TPO: variants seen among roughly 807,000 people sequenced by gnomAD.
The protein encoded by TPO is thyroid peroxidase.
In TPO, 78 loss-of-function variants were observed where a neutral mutation model predicts 96.9. The observed-to-expected ratio is 0.81, with a 90% CI of 0.67 to 0.97. The LOEUF (loss-of-function observed/expected upper bound fraction) is 0.97. TPO is among the 50% of genes least tolerant of loss of function. The pLI is 0.00. For missense variants in TPO, 1,252 were observed against 1,274.8 expected, an observed-to-expected ratio of 0.98 and a Z score of 0.27; for synonymous variants, 547 against 538.0, an observed-to-expected ratio of 1.02 and a Z score of -0.23.
At chr2:1,380,514 T>C (rs1661794946) in intron 1 of TPO, among the ~76,000 whole-genome samples, 1 of 152,040 alleles carries the variant, frequency 6.6e-6, no homozygotes. Context: ...ATTTGAAGCA[T>C]TTGTTACTAA....
At chr2:1,468,275 T>TA (rs1669090305) in intron 7 of TPO, among the ~76,000 whole-genome samples, 1 of 152,140 alleles carries the variant, frequency 6.6e-6, no homozygotes, top group African/African-American at 2.4e-5. Flanking sequence ...CTGGTTTTTT[T>TA]AATTGTATTT....
intron 7 of TPO, among the ~76,000 whole-genome samples, chr2:1,471,301 C>G (rs1669382568): frequency 6.6e-6 from 1 of 152,130 alleles, no homozygotes; most frequent in African/African-American, 2.4e-5. Flanking sequence ...CTTTCCTGTT[C>G]TTTATTTTCT....
intron 9 of TPO, among the ~76,000 whole-genome samples, 198 bp downstream of exon 9, chr2:1,485,052 C>T (rs537177465): frequency 6.6e-6 from 1 of 151,498 alleles, no homozygotes; most frequent in Non-Finnish European, 1.5e-5. Flanking sequence ...TGCTATCCCT[C>T]CCCCTGACCC....
At chr2:1,504,431 C>T (rs1350389391) in intron 14 of TPO, among the ~76,000 whole-genome samples, 1 of 152,210 alleles carries the variant, frequency 6.6e-6, no homozygotes, top group African/African-American at 2.4e-5. Context: ...ATCACCTCTC[C>T]TCCTCCTGGG....
chr2:1,449,472 G>T (rs1488283937), intron 5 of TPO, among the ~76,000 whole-genome samples: 1 of 152,092 alleles, frequency 6.6e-6, no homozygotes. Flanking sequence ...CTGGAATGAA[G>T]CTCCTTGACA....
chr2:1,477,938 A>T, intron 8 of TPO: 1 of 984,630 alleles, frequency 1.0e-6, no homozygotes, highest in Non-Finnish European at 1.2e-6. Flanking sequence ...CAGCCCCACA[A>T]CAGTGGCAGC....
At chr2:1,539,225 CACCTGACCTTCACTGAATT>C (rs1680439331) in intron 15 of TPO, among the ~76,000 whole-genome samples, 1 of 152,178 alleles carries the variant, frequency 6.6e-6, no homozygotes, top group African/African-American at 2.4e-5. Context: ...ATCGCACGAA[CACCTGACCTTCACTGAATT>C]TTAATAGAAG....
intron 15 of TPO, 51 bp downstream of exon 15, chr2:1,517,033 C>T (rs1041390040): frequency 1.9e-6 from 3 of 1,579,594 alleles, no homozygotes; most frequent in African/African-American, 2.7e-5. Flanking sequence ...AATCTCCTTT[C>T]CTCTGGACAT....
rs370843506 is a variant in TPO at position 1,453,827 on chromosome 2, G to A, written c.612+4G>A. 6.2e-7 allele frequency: 1 copy of A among 1,613,574 alleles called. No homozygotes were observed. Among genetic ancestry groups the A allele is most frequent in the Admixed American group, 1.7e-5 (1 of 60,006 alleles). ...CAACGGGTTCCCACTGCCCCCGGTGGGTACTCAGAACGCTACTATCCTGGA... is the reference window on the plus strand; with the variant it reads ...CAACGGGTTCCCACTGCCCCCGGTGAGTACTCAGAACGCTACTATCCTGGA... On this transcript the variant is annotated splice_donor_region_variant and intron_variant, in intron 6 of 16. Coordinates refer to ENST00000329066, the MANE Select transcript of TPO (RefSeq NM_001206744.2).
chr2:1,414,382 A>G lies in TPO; in HGVS notation c.-1-26A>G, dbSNP rs747300142. 2.5e-6 allele frequency: 4 copies of G among 1,603,938 alleles called. No homozygotes were observed. In the South Asian group the frequency reaches 4.5e-5, roughly 18 times the overall value. On this transcript the variant is annotated intron_variant, in intron 1 of 16. Coordinates refer to ENST00000329066, the MANE Select transcript of TPO (RefSeq NM_001206744.2). The stretch of plus-strand genomic sequence containing the variant: ...TGGCCTTGTCAGTGCTTGATTACAT[A>G]CTCTGTCTCCTTCCGTTAATTTTAG...
intron 3 of TPO, among the ~76,000 whole-genome samples, chr2:1,428,693 A>G (rs1304939506): frequency 6.6e-6 from 1 of 152,152 alleles, no homozygotes; most frequent in East Asian, 1.9e-4. Flanking sequence ...CAAAAGGAGC[A>G]CCCTTGGCCT....
intron 11 of TPO, 103 bp from the exon 12 acceptor site, chr2:1,495,886 C>A: frequency 7.5e-7 from 1 of 1,338,998 alleles, no homozygotes. Context: ...GCAGACGCCG[C>A]AGGAGAGGCT....
At chr2:1,468,780 G>A (rs978435703) in intron 7 of TPO, among the ~76,000 whole-genome samples, 5 of 152,126 alleles carry the variant, frequency 3.3e-5, no homozygotes, top group Admixed American at 1.3e-4. Flanking sequence ...GGTTTTCCTC[G>A]ATTATTCCCC....
At chr2:1,453,973 CTG>C in intron 6 of TPO, 150 bp downstream of exon 6, 1 of 1,283,368 alleles carries the variant, frequency 7.8e-7, no homozygotes, top group Non-Finnish European at 1.1e-6. Context: ...GTAGCAATCA[CTG>C]TTTCTGCCCT....
intron 5 of TPO, 135 bp downstream of exon 5, chr2:1,436,519 T>A: frequency 7.3e-7 from 1 of 1,371,050 alleles, no homozygotes; most frequent in East Asian, 2.5e-5. Context: ...GTCCTTGGCC[T>A]CCCCGACATG....
chr2:1,496,035 G>A lies in TPO; in HGVS notation c.2053G>A (p.Glu685Lys), dbSNP rs1358478682. The change falls in exon 12 of 17, where the codon GAG becomes AAG. Residue 685 changes from glutamate to lysine, a missense_variant. By Grantham distance (56) the Glu-to-Lys change is moderately conservative. Transcript: ENST00000329066. The stretch of plus-strand genomic sequence containing the variant: ...CGTCTTCACGGATGCACAGAGGCGT[G>A]AGCTGGAGAAGCACTCCCTGTCTCG... ...SHVFTDAQRR[E>K]LEKHSLSRVI... The A allele has an allele frequency of 1.2e-6, 2 of 1,613,772 alleles. No homozygotes were observed. Among genetic ancestry groups the A allele is most frequent in the Non-Finnish European group, 8.5e-7 (1 of 1,180,024 alleles).
chr2:1,486,466 G>A (rs1288139381), intron 9 of TPO, among the ~76,000 whole-genome samples: 1 of 148,086 alleles, frequency 6.8e-6, no homozygotes, highest in Non-Finnish European at 1.5e-5. Context: ...AACCTGGGAG[G>A]CAGAGGGTGC....
chr2:1,500,297 T>A (rs908280456), intron 13 of TPO, among the ~76,000 whole-genome samples: 1 of 152,132 alleles, frequency 6.6e-6, no homozygotes, highest in Admixed American at 6.5e-5. Flanking sequence ...TCAATACAAC[T>A]CTTTTTTTTG....
intron 8 of TPO, chr2:1,478,281 G>T (rs1331306888): frequency 1.0e-6 from 1 of 985,442 alleles, no homozygotes; most frequent in Non-Finnish European, 1.2e-6. Flanking sequence ...GACTCTAGGG[G>T]TCTCACAGGT....
Sources: allele counts gnomAD v4.1 joint callset (sites outside exome capture counted in the v4.1 genomes callset), GRCh38; gene constraint gnomAD v4.1.1; transcripts MANE v1.5; gene names NCBI Gene and HGNC (gene_info 2026-07-23, HGNC 2026-07-21).